NAV2: variants seen among roughly 807,000 people sequenced by gnomAD.
NAV2 encodes helicase, APC down-regulated 1.
In NAV2, 54 loss-of-function variants were observed where a neutral mutation model predicts 223.2. The ratio of observed to expected loss-of-function variants is 0.24; its 90% CI spans 0.19 to 0.30. The LOEUF (loss-of-function observed/expected upper bound fraction) is 0.30, where lower values mean the gene tolerates loss of function less well. Ranked by LOEUF, NAV2 falls within the 10% of genes least tolerant of loss-of-function variation. The pLI is 1.00. For synonymous variants in NAV2, 1,279 were observed against 1,239.3 expected, an observed-to-expected ratio of 1.03 and a Z score of -0.67; for missense variants, 2,806 against 3,147.5, an observed-to-expected ratio of 0.89 and a Z score of 2.60.
At chr11:19,513,874 A>G (rs1475410251) in intron 1 of NAV2, among the ~76,000 whole-genome samples, 1 of 152,158 alleles carries the variant, frequency 6.6e-6, no homozygotes, top group Non-Finnish European at 1.5e-5. Flanking sequence ...AGCTGTACAC[A>G]AAGGATGCCA....
intron 1 of NAV2, among the ~76,000 whole-genome samples, chr11:19,403,047 T>G (rs1849753009): frequency 6.6e-6 from 1 of 152,228 alleles, no homozygotes; most frequent in African/African-American, 2.4e-5. Flanking sequence ...TGTGTGAATT[T>G]GGGGCAACTT....
chr11:19,790,775 C>T (rs1469817981), intron 1 of NAV2, among the ~76,000 whole-genome samples: 1 of 152,052 alleles, frequency 6.6e-6, no homozygotes, highest in Non-Finnish European at 1.5e-5. Context: ...CATCATGCAA[C>T]ACCAAGTCGC....
intron 1 of NAV2, among the ~76,000 whole-genome samples, chr11:19,445,982 T>C (rs1851568647): frequency 6.6e-6 from 1 of 152,314 alleles, no homozygotes; most frequent in South Asian, 2.1e-4. Context: ...CTTAGCTATG[T>C]CATCCTGTCA....
chr11:19,620,153 G>C (rs929196737), intron 1 of NAV2, among the ~76,000 whole-genome samples: 3 of 152,000 alleles, frequency 2.0e-5, no homozygotes, highest in Non-Finnish European at 4.4e-5. Context: ...TGCTGTTTTG[G>C]TTACTGTAGC....
chr11:19,453,509 C>T (rs1851858051), intron 1 of NAV2, among the ~76,000 whole-genome samples: 2 of 152,194 alleles, frequency 1.3e-5, no homozygotes, highest in Non-Finnish European at 2.9e-5. Context: ...ACTATGCTAA[C>T]AGTTTTTGGA....
chr11:20,057,512 A>G (rs1220935006), intron 19 of NAV2, among the ~76,000 whole-genome samples: 1 of 152,210 alleles, frequency 6.6e-6, no homozygotes, highest in Admixed American at 6.5e-5. Context: ...AATTAATGCT[A>G]TAACTGCTCA....
At chr11:19,895,104 CTTTTTTTTTTTTTT>C (rs71050690) in intron 6 of NAV2, among the ~76,000 whole-genome samples, 1 of 99,208 alleles carries the variant, frequency 1.0e-5, no homozygotes, top group Non-Finnish European at 1.9e-5. Context: ...CTTTTTCTTT[CTTTTTTTTTTTTTT>C]TTTTTTTTTG....
At position 19,948,712 on chromosome 11, in the gene NAV2, C is replaced by A; in HGVS notation, c.2277C>A (p.Asp759Glu). The A allele has an allele frequency of 6.3e-7, 1 of 1,588,296 alleles. No homozygotes were observed. The highest frequency in any genetic ancestry group is 1.1e-5 in the South Asian group (1 of 89,040). The stretch of plus-strand genomic sequence containing the variant: ...CTAGCACATTGGAAACCACGTTTGA[C>A]ACCAATGTCACCACGGAGATGAGTG... ...VTHSTLETTF[D>E]TNVTTEMSGR... Residue 759 changes from aspartate to glutamate, a missense_variant, in exon 10 of 38, where the codon GAC becomes GAA. Asp to Glu is a conservative substitution (Grantham distance 45). Around this residue, in one of 4 missense-constraint regions of NAV2, gnomAD observed 1,167 missense variants for 1,180.5 expected, o/e 0.99. Coordinates refer to ENST00000349880, the MANE Select transcript of NAV2 (RefSeq NM_145117.5).
At position 20,119,338 on chromosome 11, in the gene NAV2, G is replaced by C. The variant is rs2063358525; in HGVS notation, c.*1080G>C. 4 of 152,172 alleles carry C rather than the reference G, an allele frequency of 2.6e-5. No homozygotes were observed. Among genetic ancestry groups the C allele is most frequent in the Admixed American group, 2.0e-4 (3 of 15,270 alleles). 9.4% of individuals were successfully genotyped at this position (152,172 alleles called of 1,614,324 possible). A position where few individuals can be genotyped will look rare whatever the true frequency, so the allele number is the denominator to read the frequency against. On this transcript the variant is annotated 3_prime_UTR_variant, in exon 38 of 38. Coordinates refer to ENST00000349880, the MANE Select transcript of NAV2 (RefSeq NM_145117.5). The stretch of plus-strand genomic sequence containing the variant: ...CACTCGCCTCCTCCTGCTAGGGCTG[G>C]GGGTATCTGTGTCCTTTAAAATGGA...
At chr11:19,668,814 G>C (rs1165147919) in intron 1 of NAV2, among the ~76,000 whole-genome samples, 1 of 152,070 alleles carries the variant, frequency 6.6e-6, no homozygotes, top group Non-Finnish European at 1.5e-5. Flanking sequence ...AAGGCCCCAG[G>C]ATCCCTGGCT....
chr11:19,776,610 T>TGTGTGTGGG (rs1565295741), intron 1 of NAV2, among the ~76,000 whole-genome samples: 11 of 46,580 alleles, frequency 2.4e-4, no homozygotes, highest in African/African-American at 5.7e-4. Flanking sequence ...GTGTGTGTGG[T>TGTGTGTGGG]TAGAGTTGTG....
chr11:19,670,422 A>G (rs2048546093), intron 1 of NAV2, among the ~76,000 whole-genome samples: 1 of 152,234 alleles, frequency 6.6e-6, no homozygotes, highest in Non-Finnish European at 1.5e-5. Context: ...CAAACAGTAC[A>G]GGCTCAACAG....
At chr11:19,817,692 C>T (rs1390163594) in intron 1 of NAV2, among the ~76,000 whole-genome samples, 5 of 152,284 alleles carry the variant, frequency 3.3e-5, no homozygotes, top group South Asian at 2.1e-4. Context: ...GTAACAAGCA[C>T]GCTGAGAGGT....
chr11:19,435,468 A>G (rs754391222), intron 1 of NAV2, among the ~76,000 whole-genome samples: 3 of 152,136 alleles, frequency 2.0e-5, no homozygotes, highest in Non-Finnish European at 4.4e-5. Flanking sequence ...TAAAAACTCT[A>G]TTCATCTGTT....
chr11:19,684,428 C>A (rs1229128843), intron 1 of NAV2, among the ~76,000 whole-genome samples: 1 of 152,048 alleles, frequency 6.6e-6, no homozygotes, highest in Non-Finnish European at 1.5e-5. Context: ...AGGTGAAGCT[C>A]TTGATTTGAT....
chr11:19,445,721 G>T (rs1367130252), intron 1 of NAV2, among the ~76,000 whole-genome samples: 2 of 151,364 alleles, frequency 1.3e-5, no homozygotes, highest in Non-Finnish European at 2.9e-5. Flanking sequence ...GTGGCTTTTG[G>T]CAGCCCTCTT....
At chr11:19,730,244 C>G (rs771477978) in intron 1 of NAV2, among the ~76,000 whole-genome samples, 2 of 152,196 alleles carry the variant, frequency 1.3e-5, no homozygotes, top group African/African-American at 2.4e-5. Context: ...GCCCTGGAGT[C>G]CTGTGACTTG....
chr11:19,399,218 G>A (rs1239325441), intron 1 of NAV2, among the ~76,000 whole-genome samples: 1 of 152,208 alleles, frequency 6.6e-6, no homozygotes, highest in East Asian at 1.9e-4. Flanking sequence ...CTGAGTGTCC[G>A]TGATGAATTT....
intron 2 of NAV2, 70 bp from the exon 3 acceptor site, chr11:19,842,801 T>C: frequency 6.7e-7 from 1 of 1,489,884 alleles, no homozygotes; most frequent in African/African-American, 1.4e-5. Context: ...TTGCCTCAAG[T>C]GTCCTGAACA....
Sources: gnomAD v4.1 joint callset for allele counts (sites outside exome capture counted in the v4.1 genomes callset) on GRCh38, gnomAD v4.1.1 for gene constraint, gnomAD v4.1.1 regional missense constraint, MANE v1.5 for transcripts, NCBI Gene and HGNC (gene_info 2026-07-23, HGNC 2026-07-21) for gene names.